HRAS: variants seen among roughly 807,000 people sequenced by gnomAD.
HRAS encodes HRas proto-oncogene, GTPase, also known as GTPase HRas.
A neutral mutation model predicts 19.8 loss-of-function variants in HRAS; 11 were observed. The ratio of observed to expected loss-of-function variants is 0.55; its 90% CI spans 0.35 to 0.92. The LOEUF (loss-of-function observed/expected upper bound fraction) is 0.92. Ranked by LOEUF, HRAS falls within the 40% of genes least tolerant of loss-of-function variation. HRAS has a pLI of 0.01. For missense variants in HRAS, 204 were observed against 255.9 expected (o/e 0.80, Z 1.38); for synonymous variants, 149 against 105.5 (o/e 1.41, Z -2.52).
rs1287261051 is a variant in HRAS at position 535,544 on chromosome 11, C to CAGGGCACGGGCGG, written c.-195_-183dup. The stretch of plus-strand genomic sequence containing the variant: ...GCGGGTGCGGCTCGGGTTGCGGGCG[C>CAGGGCACGGGCGG]AGGGCACGGGCGGCGGAGACTCGGG... On this transcript the variant is annotated 5_prime_UTR_variant, in exon 1 of 6. Coordinates refer to ENST00000311189, the MANE Select transcript of HRAS (RefSeq NM_005343.4). 6.7e-6 allele frequency: 1 copy of CAGGGCACGGGCGG among 148,438 alleles called. No individual in the cohort carries two copies. Among genetic ancestry groups the CAGGGCACGGGCGG allele is most frequent in the Non-Finnish European group, 1.5e-5 (1 of 66,308 alleles). 9.2% of individuals were successfully genotyped at this position (148,438 alleles called of 1,614,324 possible).
chr11:535,043 G>A (rs1851381732), intron 1 of HRAS, among the ~76,000 whole-genome samples: 1 of 152,096 alleles, frequency 6.6e-6, no homozygotes, highest in Admixed American at 6.5e-5. Context: ...CCTGGTCCGC[G>A]ACCTGTGATG....
At chr11:532,857 C>T in intron 4 of HRAS, 102 bp from the exon 5 acceptor site, 1 of 1,166,434 alleles carries the variant, frequency 8.6e-7, no homozygotes, top group Non-Finnish European at 1.2e-6. Flanking sequence ...CCCGAAGCTC[C>T]CGACTCCACC....
chr11:533,955 A>G lies in HRAS; in HGVS notation c.112-11T>C. 1.2e-6 allele frequency: 2 copies of G among 1,609,016 alleles called. No homozygotes were observed. The highest frequency in any genetic ancestry group is 1.7e-6 in the Non-Finnish European group (2 of 1,179,894). On this transcript the variant is annotated splice_polypyrimidine_tract_variant and intron_variant, in intron 2 of 5. Transcript: ENST00000311189. Reference sequence around the variant, plus strand: ...CTTCCGGTAGGAATCCTGCAGGAGGACAGGGCTCAGGGACCCCCTCAGGAC... The same window carrying G: ...CTTCCGGTAGGAATCCTGCAGGAGGGCAGGGCTCAGGGACCCCCTCAGGAC...
rs571694580 is a variant in HRAS at position 532,483 on chromosome 11, C to G, written c.*45G>C. 85 of 1,047,044 alleles carry G rather than the reference C, an allele frequency of 8.1e-5. No homozygotes were observed. In the African/African-American group the frequency reaches 1.1e-3, roughly 14 times the overall value. 64.9% of individuals were successfully genotyped at this position (1,047,044 alleles called of 1,614,324 possible). On this transcript the variant is annotated 3_prime_UTR_variant, in exon 6 of 6. Transcript: ENST00000311189. ...TCCTTCCTCCTCCTTCCGTCTGCAC[C>G]TCCTTCCTGCATCCGGCACCTCCAT... is the stretch of plus-strand genomic sequence containing the variant.
chr11:533,993 G>C (rs769271828), intron 2 of HRAS, 49 bp from the exon 3 acceptor site: 1 of 1,580,250 alleles, frequency 6.3e-7, no homozygotes, highest in South Asian at 1.1e-5. Flanking sequence ...TCCGTGGGGG[G>C]AGTTCACACA....
chr11:533,979 A>G, intron 2 of HRAS, 35 bp from the exon 3 acceptor site: 1 of 1,601,886 alleles, frequency 6.2e-7, no homozygotes, highest in Non-Finnish European at 8.5e-7. Flanking sequence ...CCCCCTCAGG[A>G]CCTTCCGTGG....
chr11:534,459 C>A, intron 1 of HRAS, 84 bp from the exon 2 acceptor site: 1 of 690,302 alleles, frequency 1.4e-6, no homozygotes, highest in Non-Finnish European at 2.5e-6. Context: ...ATCTGAAGGG[C>A]AAACCCACAG....
chr11:533,676 G>A (rs1027840031), intron 3 of HRAS, 64 bp from the exon 4 acceptor site: 5 of 1,611,418 alleles, frequency 3.1e-6, no homozygotes, highest in Admixed American at 1.7e-5. Flanking sequence ...CAGGACATGC[G>A]CAGAGAGGAC....
rs778976132 is a variant in HRAS, at chr11:533,811, AAC to A, written c.243_244del (p.Phe82CysfsTer9). The A allele has an allele frequency of 1.2e-6, 2 of 1,613,332 alleles. No individual in the cohort carries two copies. The highest frequency in any genetic ancestry group is 1.7e-6 in the Non-Finnish European group (2 of 1,179,986). ...AAAAGACTTGGTGTTGTTGATGGCA[AAC>A]ACACACAGGAAGCCCTCCCCGGTGC... is the stretch of plus-strand genomic sequence containing the variant. On this transcript the variant is annotated frameshift_variant, in exon 3 of 6. Transcript: ENST00000311189. LOFTEE classifies it high-confidence loss of function.
intron 2 of HRAS, 44 bp from the exon 3 acceptor site, chr11:533,988 G>A (rs548634688): frequency 6.3e-7 from 1 of 1,587,546 alleles, no homozygotes. Flanking sequence ...GACCTTCCGT[G>A]GGGGGAGTTC....
intron 1 of HRAS, chr11:535,214 AG>A (rs1177315910): frequency 6.7e-6 from 1 of 150,012 alleles, no homozygotes. Context: ...GGCCCCAGGG[AG>A]GAAGGGGCCC....
At position 533,948 on chromosome 11, in the gene HRAS, C is replaced by T. The variant is rs1589792986; in HGVS notation, c.112-4G>A. On this transcript the variant is annotated splice_region_variant and splice_polypyrimidine_tract_variant and intron_variant, in intron 2 of 5. Coordinates refer to ENST00000311189, the MANE Select transcript of HRAS (RefSeq NM_005343.4). Reference sequence around the variant, plus strand: ...CCACCTGCTTCCGGTAGGAATCCTGCAGGAGGACAGGGCTCAGGGACCCCC... The same window carrying T: ...CCACCTGCTTCCGGTAGGAATCCTGTAGGAGGACAGGGCTCAGGGACCCCC... The T allele has an allele frequency of 6.2e-7, 1 of 1,609,858 alleles. No homozygotes were observed. Among genetic ancestry groups the T allele is most frequent in the South Asian group, 1.1e-5 (1 of 91,088 alleles).
At position 532,295 on chromosome 11, in the gene HRAS, C is replaced by A. The variant is rs1165754267; in HGVS notation, c.*233G>T. The A allele has an allele frequency of 2.1e-6, 1 of 479,052 alleles. No individual in the cohort carries two copies. Among genetic ancestry groups the A allele is most frequent in the Non-Finnish European group, 3.8e-6 (1 of 260,754 alleles). The allele number at this position is 479,052 out of a possible 1,614,324, so 29.7% of individuals were successfully genotyped here. ...CCCATCTGTGCCCGACAAGGGCCCA[C>A]AGAGGCCTGGGAGGGGAGCTAAGGG... On this transcript the variant is annotated 3_prime_UTR_variant, in exon 6 of 6. Coordinates refer to ENST00000311189, the MANE Select transcript of HRAS (RefSeq NM_005343.4).
chr11:535,041 G>C (rs958328010), intron 1 of HRAS, among the ~76,000 whole-genome samples: 1 of 152,104 alleles, frequency 6.6e-6, no homozygotes, highest in Admixed American at 6.5e-5. Context: ...GGCCTGGTCC[G>C]CGACCTGTGA....
At chr11:534,711 C>G in intron 1 of HRAS, 1 of 306,106 alleles carries the variant, frequency 3.3e-6, no homozygotes, top group Non-Finnish European at 6.3e-6. Context: ...GCTGAGGTTA[C>G]CGTCCTCCAG....
In HRAS at chr11:534,444, G is replaced by A. The variant is rs980916751; in HGVS notation, c.-53-69C>T. 18 of 778,794 alleles carry A rather than the reference G, an allele frequency of 2.3e-5. No homozygotes were observed. In the African/African-American group the frequency reaches 2.4e-4, roughly 10 times the overall value. The allele number at this position is 778,794 out of a possible 1,614,324, so 48.2% of individuals were successfully genotyped here. A position where few individuals can be genotyped will look rare whatever the true frequency, so the allele number is the denominator to read the frequency against. ...AGGCCCCACAGGGCAGCTGCTGGCA[G>A]GGCCATCTGAAGGGCAAACCCACAG... On this transcript the variant is annotated intron_variant, in intron 1 of 5. Transcript: ENST00000311189.
chr11:535,303 C>T (rs1220312756), intron 1 of HRAS, 113 bp downstream of exon 1: 1 of 143,908 alleles, frequency 6.9e-6, no homozygotes, highest in East Asian at 2.0e-4. Context: ...CCGCCGCCGC[C>T]GCCGCCGCCG....
chr11:533,266 G>C (rs377733297), intron 4 of HRAS, 187 bp downstream of exon 4: 7 of 1,575,502 alleles, frequency 4.4e-6, no homozygotes, highest in Non-Finnish European at 6.0e-6. Context: ...CTGCCGTCCC[G>C]GGAGACTTAC....
chr11:532,413 T>C lies in HRAS; in HGVS notation c.*115A>G, dbSNP rs1851154379. The C allele has an allele frequency of 7.7e-6, 5 of 650,480 alleles. No homozygotes were observed. Among genetic ancestry groups the C allele is most frequent in the South Asian group, 5.6e-5 (3 of 53,356 alleles). 40.3% of individuals were successfully genotyped at this position (650,480 alleles called of 1,614,324 possible). On this transcript the variant is annotated 3_prime_UTR_variant, in exon 6 of 6. Coordinates refer to ENST00000311189, the MANE Select transcript of HRAS (RefSeq NM_005343.4). ...GTCACCTCGGCCCACGGTCCCGGGG[T>C]GACTGGGCTCCAGCAGCCCTTCCTT...
Sources: gnomAD v4.1 joint callset for allele counts (sites outside exome capture counted in the v4.1 genomes callset) on GRCh38, gnomAD v4.1.1 for gene constraint, MANE v1.5 for transcripts, NCBI Gene and HGNC (gene_info 2026-07-23, HGNC 2026-07-21) for gene names.